The following C17orf67 variants were observed in gnomAD, a reference collection of about 807,000 sequenced individuals.
The protein encoded by C17orf67 is chromosome 17 open reading frame 67, also known as uncharacterized protein C17orf67.
C17orf67 carries 12 observed loss-of-function variants against 11.2 expected under a neutral mutation model. The observed-to-expected ratio is 1.07, with a 90% CI of 0.68 to 1.73. C17orf67 has a LOEUF of 1.73. C17orf67 is among the 40% of genes most tolerant of loss of function. C17orf67 has a pLI of 0.00. For synonymous variants in C17orf67, 59 were observed against 46.9 expected, an observed-to-expected ratio of 1.26 and a Z score of -1.05; for missense variants, 115 against 113.5, an observed-to-expected ratio of 1.01 and a Z score of -0.06.
chr17:56,797,417 C>T (rs1905233164), intron 6 of C17orf67, among the ~76,000 whole-genome samples: 1 of 152,062 alleles, frequency 6.6e-6, no homozygotes, highest in African/African-American at 2.4e-5. Flanking sequence ...CCATCCTCTC[C>T]CTCCTCTTCC....
At chr17:56,794,615 AC>A (rs1905174495) in intron 7 of C17orf67, among the ~76,000 whole-genome samples, 1 of 152,268 alleles carries the variant, frequency 6.6e-6, no homozygotes, top group Admixed American at 6.5e-5. Flanking sequence ...GCAGTAGGGA[AC>A]AGGAGCGAGA....
At chr17:56,797,899 A>C (rs1472267413) in intron 6 of C17orf67, among the ~76,000 whole-genome samples, 1 of 152,216 alleles carries the variant, frequency 6.6e-6, no homozygotes, top group Non-Finnish European at 1.5e-5. Context: ...AGTGATGCAT[A>C]AAACAGAAAA....
At chr17:56,810,310 C>T (rs573196733) in intron 6 of C17orf67, among the ~76,000 whole-genome samples, 1 of 147,444 alleles carries the variant, frequency 6.8e-6, no homozygotes, top group Admixed American at 6.8e-5. Context: ...CACACACATA[C>T]CCCTCATACA....
chr17:56,823,060 T>C (rs986420140), intron 4 of C17orf67, among the ~76,000 whole-genome samples: 8 of 152,194 alleles, frequency 5.3e-5, no homozygotes, highest in African/African-American at 1.7e-4. Flanking sequence ...CAAAGGAGCA[T>C]TGGCACAGGC....
At chr17:56,806,413 TC>T (rs1905453732) in intron 6 of C17orf67, among the ~76,000 whole-genome samples, 1 of 152,224 alleles carries the variant, frequency 6.6e-6, no homozygotes, top group Non-Finnish European at 1.5e-5. Context: ...CCACCTTTAA[TC>T]CTAGTCTCCT....
intron 4 of C17orf67, among the ~76,000 whole-genome samples, chr17:56,822,886 G>A (rs1951654623): frequency 6.6e-6 from 1 of 152,206 alleles, no homozygotes; most frequent in African/African-American, 2.4e-5. Flanking sequence ...GCCTTGGACA[G>A]GGGCCTTTCC....
At chr17:56,819,161 C>T (rs1905837369) in intron 4 of C17orf67, among the ~76,000 whole-genome samples, 1 of 152,078 alleles carries the variant, frequency 6.6e-6, no homozygotes, top group Non-Finnish European at 1.5e-5. Flanking sequence ...TTACTCCAAC[C>T]ACTCCCCTCC....
rs533775322 is a variant in C17orf67, at chr17:56,810,144, C to T, written c.156+4725G>A. On this transcript the variant is annotated intron_variant, in intron 6 of 7. Transcript: ENST00000397861. ...ACACTCCTTGCACAGACCCCTCACG[C>T]ACACCCCTCACACCCCCACCTCACA... is the stretch of plus-strand genomic sequence containing the variant. Among the ~76,000 whole-genome samples the T allele has an allele frequency of 1.2e-4, 7 of 58,952 alleles. 1 individual carries two copies. In the East Asian group the frequency reaches 4.7e-3, roughly 40 times the overall value. 38.7% of individuals were successfully genotyped at this position (58,952 alleles called of 152,430 possible).
chr17:56,803,632 T>C (rs3853824), intron 6 of C17orf67, among the ~76,000 whole-genome samples: 100,243 of 152,064 alleles, frequency 0.66, 33,229 homozygotes, highest in East Asian at 0.82. Context: ...GAAATAACTG[T>C]TCTTTCCCTA....
chr17:56,795,936 T>C (rs1380109973), intron 6 of C17orf67, among the ~76,000 whole-genome samples: 1 of 152,212 alleles, frequency 6.6e-6, no homozygotes, highest in East Asian at 1.9e-4. Context: ...TTTATAAAGT[T>C]CAAATATGTG....
intron 2 of C17orf67, among the ~76,000 whole-genome samples, chr17:56,831,787 C>A (rs534117634): frequency 1.3e-5 from 2 of 152,238 alleles, no homozygotes; most frequent in Middle Eastern, 3.4e-3. Context: ...TACATACGTA[C>A]GACTGATGAA....
intron 2 of C17orf67, among the ~76,000 whole-genome samples, chr17:56,829,537 G>A (rs116896692): frequency 0.011 from 1,673 of 152,232 alleles, 13 homozygotes; most frequent in Non-Finnish European, 0.019. Context: ...TTAGGGCAGC[G>A]CTGTTCTCTC....
intron 7 of C17orf67, among the ~76,000 whole-genome samples, chr17:56,794,389 T>C (rs1356806665): frequency 1.3e-5 from 2 of 152,108 alleles, no homozygotes; most frequent in Non-Finnish European, 2.9e-5. Flanking sequence ...TTTGCTACCT[T>C]ATCTAACAGG....
At chr17:56,804,751 A>C (rs1971653666) in intron 6 of C17orf67, among the ~76,000 whole-genome samples, 1 of 152,202 alleles carries the variant, frequency 6.6e-6, no homozygotes, top group Non-Finnish European at 1.5e-5. Flanking sequence ...ATCACAAAAG[A>C]AATAATTTAA....
chr17:56,817,730 CA>C (rs1905794077), intron 4 of C17orf67, among the ~76,000 whole-genome samples: 1 of 152,158 alleles, frequency 6.6e-6, no homozygotes, highest in Non-Finnish European at 1.5e-5. Flanking sequence ...GCTGGAATTA[CA>C]GGCAAGAAAG....
chr17:56,812,159 TAGAGAGAGAC>T (rs1457384918), intron 6 of C17orf67, among the ~76,000 whole-genome samples: 2 of 152,248 alleles, frequency 1.3e-5, no homozygotes, highest in Non-Finnish European at 1.5e-5. Context: ...AGTGCAATTA[TAGAGAGAGAC>T]AGAGAGAGAC....
intron 2 of C17orf67, among the ~76,000 whole-genome samples, chr17:56,830,249 G>A (rs1012910151): frequency 8.6e-5 from 13 of 152,040 alleles, no homozygotes; most frequent in African/African-American, 3.1e-4. Flanking sequence ...GGAGGCTGAG[G>A]CAAGAGAATG....
intron 2 of C17orf67, among the ~76,000 whole-genome samples, chr17:56,830,551 C>G (rs575466038): frequency 1.2e-4 from 19 of 152,192 alleles, no homozygotes; most frequent in Admixed American, 5.9e-4. Context: ...AAGAAATCCC[C>G]TTGGACAACA....
chr17:56,820,767 CTTTTTTTTTTT>C (rs746734939), intron 4 of C17orf67, among the ~76,000 whole-genome samples: 4 of 122,512 alleles, frequency 3.3e-5, no homozygotes, highest in South Asian at 2.7e-4. Context: ...GTGAGTTTCC[CTTTTTTTTTTT>C]TTTTTTTTTT....
Sources: allele counts gnomAD v4.1 joint callset (sites outside exome capture counted in the v4.1 genomes callset), GRCh38; gene constraint gnomAD v4.1.1; transcripts MANE v1.5; gene names NCBI Gene and HGNC (gene_info 2026-07-23, HGNC 2026-07-21).